Variants in SULF1 observed in about 807,000 individuals in gnomAD.
SULF1 encodes sulfatase 1.
SULF1 carries 46 observed loss-of-function variants against 110.5 expected under a neutral mutation model. The ratio of observed to expected loss-of-function variants is 0.42; its 90% CI spans 0.33 to 0.53. SULF1 has a LOEUF of 0.53. Among genes scored for constraint, SULF1 ranks in the 20% least tolerant of loss-of-function variants. SULF1 has a pLI of 0.12. For missense variants in SULF1, 941 were observed against 1,094.2 expected (o/e 0.86, Z 1.98); for synonymous variants, 371 against 387.1 (o/e 0.96, Z 0.49).
At chr8:69,528,967 A>G (rs1343715463) in intron 3 of SULF1, among the ~76,000 whole-genome samples, 3 of 152,216 alleles carry the variant, frequency 2.0e-5, no homozygotes, top group Non-Finnish European at 4.4e-5. Context: ...GTGAAAATAA[A>G]TTAGTAATGA....
chr8:69,596,294 C>T (rs997515855), intron 8 of SULF1, among the ~76,000 whole-genome samples: 11 of 152,176 alleles, frequency 7.2e-5, no homozygotes, highest in South Asian at 4.2e-4. Flanking sequence ...GTTAGGCACA[C>T]GTGACTCTAC....
chr8:69,570,641 C>T (rs1220349424), intron 5 of SULF1, among the ~76,000 whole-genome samples: 1 of 152,184 alleles, frequency 6.6e-6, no homozygotes, highest in African/African-American at 2.4e-5. Context: ...TGTCTAGCCA[C>T]AACCTATCAC....
intron 3 of SULF1, among the ~76,000 whole-genome samples, chr8:69,517,358 G>C (rs745763882): frequency 6.6e-6 from 1 of 152,190 alleles, no homozygotes; most frequent in Non-Finnish European, 1.5e-5. Context: ...ATTTCAACGT[G>C]AGTTTTGAAT....
intron 6 of SULF1, among the ~76,000 whole-genome samples, chr8:69,579,680 T>A (rs1165126133): frequency 6.6e-6 from 1 of 152,184 alleles, no homozygotes; most frequent in Non-Finnish European, 1.5e-5. Flanking sequence ...TAAAAATGTC[T>A]TCATGACAAT....
rs1563465522 is a variant in SULF1, at chr8:69,493,453, ACAC to A, written c.-391+329_-391+331del. Among the ~76,000 whole-genome samples, 28 of 22,830 alleles carry A rather than the reference ACAC, an allele frequency of 1.2e-3. 1 individual carries two copies. The East Asian group carries it at 0.074, about 60-fold the overall frequency. 15.0% of individuals were successfully genotyped at this position (22,830 alleles called of 152,430 possible). A position where few individuals can be genotyped will look rare whatever the true frequency, so the allele number is the denominator to read the frequency against. The stretch of plus-strand genomic sequence containing the variant: ...CACACACACACACACAACACTACAC[ACAC>A]ACACACACACACACACACACACACA... On this transcript the variant is annotated intron_variant, in intron 1 of 22. Transcript: ENST00000402687.
At chr8:69,545,176 T>TAAGTG (rs10635098) in intron 3 of SULF1, among the ~76,000 whole-genome samples, 1 of 150,772 alleles carries the variant, frequency 6.6e-6, no homozygotes, top group African/African-American at 2.4e-5. Flanking sequence ...AAATATTAGT[T>TAAGTG]GAGTTTGGAG....
At chr8:69,530,027 G>A (rs189315581) in intron 3 of SULF1, among the ~76,000 whole-genome samples, 11 of 152,200 alleles carry the variant, frequency 7.2e-5, no homozygotes, top group East Asian at 3.9e-4. Context: ...TTGGTGACTC[G>A]GTCTCATTTT....
chr8:69,609,756 C>T (rs562169785), intron 13 of SULF1, among the ~76,000 whole-genome samples: 14 of 152,272 alleles, frequency 9.2e-5, no homozygotes, highest in South Asian at 4.1e-4. Context: ...CCTGACTGCA[C>T]GTTAGAATCA....
upstream of SULF1, among the ~76,000 whole-genome samples, chr8:69,491,953 G>A (rs1170373829): frequency 6.6e-6 from 1 of 152,076 alleles, no homozygotes; most frequent in Non-Finnish European, 1.5e-5. Flanking sequence ...GAAGGAAGTG[G>A]GTGTGAGGAT....
rs145039159 is a variant in SULF1, at chr8:69,494,831, G to A, written c.-390-934G>A. 9.6e-4 allele frequency among the ~76,000 whole-genome samples: 143 copies of A among 149,684 alleles called. 1 individual carries two copies. Among genetic ancestry groups the A allele is most frequent in the Middle Eastern group, 3.5e-3 (1 of 284 alleles). The stretch of plus-strand genomic sequence containing the variant: ...GAAGGTGGAGACTAGAGTGAGTTGC[G>A]TTTGTGCCACTGCACCTCAGCCTGG... On this transcript the variant is annotated intron_variant, in intron 1 of 22. Coordinates refer to ENST00000402687, the MANE Select transcript of SULF1 (RefSeq NM_001128205.2).
chr8:69,476,912 G>T (rs552071575), intron 1 of SULF1, among the ~76,000 whole-genome samples: 2 of 152,174 alleles, frequency 1.3e-5, no homozygotes, highest in African/African-American at 2.4e-5. Context: ...AAGCACAAAC[G>T]TTGGGTTTAG....
At position 69,585,382 on chromosome 8, in the gene SULF1, A is replaced by G. The variant is rs746981342; in HGVS notation, c.413-975A>G. ...CCTCTTGCTCTCTCAAAAGTATTCCAGTATATTTATGACTACCATTCTGCT... is the reference window on the plus strand; with the variant it reads ...CCTCTTGCTCTCTCAAAAGTATTCCGGTATATTTATGACTACCATTCTGCT... On this transcript the variant is annotated intron_variant, in intron 6 of 22. Transcript: ENST00000402687. 2.1e-4 allele frequency among the ~76,000 whole-genome samples: 32 copies of G among 152,262 alleles called. No individual in the cohort carries two copies. The East Asian group carries it at 5.6e-3, about 27-fold the overall frequency.
intron 10 of SULF1, 72 bp downstream of exon 10, chr8:69,601,901 C>A: frequency 7.0e-7 from 1 of 1,422,210 alleles, no homozygotes; most frequent in Non-Finnish European, 9.5e-7. Flanking sequence ...AATTACCAGT[C>A]TCAGTATCTG....
chr8:69,563,251 G>A (rs1000620784), intron 3 of SULF1: 1 of 152,194 alleles, frequency 6.6e-6, no homozygotes, highest in East Asian at 1.9e-4. Flanking sequence ...CTTCCTAATC[G>A]ATCGTCAGCT....
intron 19 of SULF1, among the ~76,000 whole-genome samples, chr8:69,636,832 T>A (rs1428280261): frequency 2.6e-5 from 4 of 152,134 alleles, no homozygotes; most frequent in African/African-American, 9.7e-5. Context: ...TTTTGATGCA[T>A]CTCATTGATT....
intron 3 of SULF1, chr8:69,562,764 A>G (rs925525266): frequency 6.5e-6 from 1 of 153,168 alleles, no homozygotes; most frequent in Admixed American, 6.6e-5. Context: ...GGGCCAATCA[A>G]TCATTTTGCT....
rs988873459 is a variant in SULF1, at chr8:69,627,844, G to A, written c.2020G>A (p.Glu674Lys). The A allele has an allele frequency of 2.5e-6, 4 of 1,613,162 alleles. No individual in the cohort carries two copies. The highest frequency in any genetic ancestry group is 3.3e-5 in the Admixed American group (2 of 59,886). Reference protein sequence around the residue: ...RGHLKRRKPEECSCSKQSYYN... With the variant: ...RGHLKRRKPEKCSCSKQSYYN... The stretch of plus-strand genomic sequence containing the variant: ...ACATCTGAAGAGAAGGAAGCCTGAG[G>A]AATGTAGCTGCAGTAAACAAAGGTG... The change falls in exon 17 of 23, where the codon GAA becomes AAA. Residue 674 changes from glutamate (E) to lysine (K), a missense_variant. Physicochemically the swap from Glu to Lys is moderately conservative, Grantham distance 56. Around this residue, in one of 3 missense-constraint regions of SULF1, gnomAD observed 822 missense variants for 934.3 expected, o/e 0.88. Transcript: ENST00000402687.
chr8:69,548,194 T>C (rs75540381), intron 3 of SULF1, among the ~76,000 whole-genome samples: 4,610 of 152,204 alleles, frequency 0.03, 208 homozygotes, highest in African/African-American at 0.1. Flanking sequence ...GTCTCCCTCA[T>C]GTATTATTAT....
chr8:69,606,695 A>G (rs538583131), intron 13 of SULF1, among the ~76,000 whole-genome samples: 1 of 152,366 alleles, frequency 6.6e-6, no homozygotes, highest in South Asian at 2.1e-4. Flanking sequence ...CTTTGGCACA[A>G]GCTTTTCACT....
Sources: gnomAD v4.1 joint callset for allele counts (sites outside exome capture counted in the v4.1 genomes callset) on GRCh38, gnomAD v4.1.1 for gene constraint, gnomAD v4.1.1 regional missense constraint, MANE v1.5 for transcripts, NCBI Gene and HGNC (gene_info 2026-07-23, HGNC 2026-07-21) for gene names.